Variants in NR1H3 observed in about 807,000 individuals in gnomAD.
NR1H3 encodes the protein oxysterols receptor LXR-alpha.
NR1H3 carries 19 observed loss-of-function variants against 48.1 expected under a neutral mutation model. The ratio of observed to expected loss-of-function variants is 0.40; its 90% CI spans 0.28 to 0.58. The LOEUF is 0.58. Among genes scored for constraint, NR1H3 ranks in the 20% least tolerant of loss-of-function variants. NR1H3 has a pLI of 0.50. For missense variants in NR1H3, 486 were observed against 595.9 expected (o/e 0.82, Z 1.92); for synonymous variants, 232 against 227.3 (o/e 1.02, Z -0.19).
At chr11:47,254,624 C>G (rs1448559406), upstream of NR1H3, among the ~76,000 whole-genome samples, 1 of 152,074 alleles carries the variant, frequency 6.6e-6, no homozygotes, top group Non-Finnish European at 1.5e-5. Flanking sequence ...AAAGCAAAAG[C>G]TGGAGGCAGA....
At chr11:47,265,758 G>C (rs1401232995) in intron 7 of NR1H3, among the ~76,000 whole-genome samples, 10 of 152,074 alleles carry the variant, frequency 6.6e-5, no homozygotes, top group African/African-American at 2.4e-4. Context: ...AGTAGTCCCA[G>C]CTACTCAAGA....
intron 7 of NR1H3, among the ~76,000 whole-genome samples, chr11:47,262,356 G>GCAA (rs763256281): frequency 3.4e-4 from 52 of 151,602 alleles, no homozygotes; most frequent in Admixed American, 3.9e-4. Flanking sequence ...TCCAGCCTGG[G>GCAA]CAACAACAAC....
At chr11:47,267,007 A>G (rs1226375364) in intron 7 of NR1H3, among the ~76,000 whole-genome samples, 1 of 152,098 alleles carries the variant, frequency 6.6e-6, no homozygotes, top group African/African-American at 2.4e-5. Context: ...AGCCCTCAAG[A>G]ATTTTAATGA....
chr11:47,251,334 G>A (rs150043588), intron 1 of NR1H3, among the ~76,000 whole-genome samples: 70 of 152,048 alleles, frequency 4.6e-4, no homozygotes, highest in African/African-American at 1.6e-3. Flanking sequence ...CGGGACCTAG[G>A]CCGGACATGG....
chr11:47,268,181 C>A, intron 8 of NR1H3, 80 bp from the exon 9 acceptor site: 2 of 1,352,408 alleles, frequency 1.5e-6, no homozygotes, highest in Non-Finnish European at 2.1e-6. Context: ...TGGAGCATGT[C>A]TCTATATTTT....
upstream of NR1H3, among the ~76,000 whole-genome samples, chr11:47,256,962 C>A (rs895991777): frequency 4.6e-5 from 7 of 152,142 alleles, no homozygotes; most frequent in Non-Finnish European, 8.8e-5. Context: ...GATCTCCTGA[C>A]CTCGTGATCC....
chr11:47,263,791 T>C (rs1423385969), intron 7 of NR1H3, among the ~76,000 whole-genome samples: 3 of 151,408 alleles, frequency 2.0e-5, no homozygotes, highest in Admixed American at 6.6e-5. Context: ...TTAGTAGAGA[T>C]GGGGTTTCAC....
At chr11:47,260,334 AG>A in intron 3 of NR1H3, 74 bp from the exon 4 acceptor site, 2 of 1,534,492 alleles carry the variant, frequency 1.3e-6, no homozygotes, top group Non-Finnish European at 1.8e-6. Context: ...CTGAGTGCCC[AG>A]GGCAGTGGCT....
At chr11:47,265,908 T>C (rs903258056) in intron 7 of NR1H3, among the ~76,000 whole-genome samples, 2 of 152,202 alleles carry the variant, frequency 1.3e-5, no homozygotes, top group East Asian at 3.8e-4. Context: ...CAAACACTTA[T>C]GTGGTAGTTA....
intron 3 of NR1H3, 105 bp from the exon 4 acceptor site, chr11:47,260,304 A>G: frequency 7.1e-7 from 1 of 1,412,770 alleles, no homozygotes; most frequent in Non-Finnish European, 9.6e-7. Flanking sequence ...GAGTTTGTAT[A>G]ATGAAGGGAA....
chr11:47,260,441 G>T lies in NR1H3; in HGVS notation c.265G>T (p.Ala89Ser). 5.0e-6 allele frequency: 8 copies of T among 1,613,790 alleles called. No homozygotes were observed. Among genetic ancestry groups the T allele is most frequent in the Non-Finnish European group, 5.9e-6 (7 of 1,179,692 alleles). The change falls in exon 4 of 10, where the codon GCC (alanine) becomes TCC (serine). Residue 89 changes from alanine to serine, a missense_variant. Physicochemically the swap from Ala to Ser is moderately conservative, Grantham distance 99. Coordinates refer to ENST00000441012, the MANE Select transcript of NR1H3 (RefSeq NM_005693.4). ...TCCACAAAAGCGGAAAAAGGGGCCA[G>T]CCCCCAAAATGCTGGGGAACGAGCT... ...IRPQKRKKGP[A>S]PKMLGNELCS...
chr11:47,252,719 A>G lies in NR1H3; in HGVS notation c.-93+3720A>G, dbSNP rs182664093. ...CTCTCGAGTAGCTGGGACTACAGGC[A>G]CCTGCCACCACACCTGGCTAATTTT... On this transcript the variant is annotated intron_variant, in intron 1 of 8. Transcript: ENST00000395397. 2.7e-5 allele frequency among the ~76,000 whole-genome samples: 4 copies of G among 149,236 alleles called. No individual in the cohort carries two copies. The East Asian group carries it at 7.9e-4, about 29-fold the overall frequency.
At chr11:47,250,378 T>G (rs1954542367) in intron 1 of NR1H3, 1 of 152,058 alleles carries the variant, frequency 6.6e-6, no homozygotes, top group South Asian at 2.1e-4. Flanking sequence ...GCAACTGCAC[T>G]CCAGTCTAGA....
chr11:47,251,103 G>A (rs1330942824), intron 1 of NR1H3, among the ~76,000 whole-genome samples: 1 of 152,162 alleles, frequency 6.6e-6, no homozygotes, highest in East Asian at 1.9e-4. Context: ...AGCTTGCAGT[G>A]AGCGGAGATC....
At chr11:47,262,311 A>G (rs10838684) in intron 7 of NR1H3, among the ~76,000 whole-genome samples, 58,740 of 151,254 alleles carry the variant, frequency 0.39, 12,519 homozygotes, top group East Asian at 0.75. Context: ...TCTGGGAGGC[A>G]GAGGTTGTAG....
upstream of NR1H3, among the ~76,000 whole-genome samples, chr11:47,254,672 T>C (rs2135578454): frequency 6.6e-6 from 1 of 152,218 alleles, no homozygotes; most frequent in South Asian, 2.1e-4. Flanking sequence ...TTTTCTGAAA[T>C]GTGAAAATGA....
intron 2 of NR1H3, 169 bp from the exon 3 acceptor site, chr11:47,259,622 T>C (rs1955610924): frequency 6.9e-7 from 1 of 1,457,460 alleles, no homozygotes; most frequent in South Asian, 1.4e-5. Context: ...AAACTACAAG[T>C]GACTAGTCCT....
At position 47,268,444 on chromosome 11, in the gene NR1H3, T is replaced by C. The variant is rs1018864840; in HGVS notation, c.1197+89T>C. The C allele has an allele frequency of 6.9e-6, 11 of 1,588,472 alleles. No homozygotes were observed. The African/African-American group carries it at 1.3e-4, about 19-fold the overall frequency. ...TACTTTCCCTTCAAGAATTTCTCTC[T>C]GACTGCATGCTGTGCAGACAATTCA... On this transcript the variant is annotated intron_variant, in intron 9 of 9. Coordinates refer to ENST00000441012, the MANE Select transcript of NR1H3 (RefSeq NM_005693.4).
At chr11:47,249,642 C>G (rs1234229850) in intron 1 of NR1H3, among the ~76,000 whole-genome samples, 2 of 152,144 alleles carry the variant, frequency 1.3e-5, no homozygotes, top group Admixed American at 6.5e-5. Flanking sequence ...ATCAATGGCC[C>G]TCTTGGCATT....
Sources: allele counts gnomAD v4.1 joint callset (sites outside exome capture counted in the v4.1 genomes callset), GRCh38; gene constraint gnomAD v4.1.1; transcripts MANE v1.5; gene names NCBI Gene and HGNC (gene_info 2026-07-23, HGNC 2026-07-21).